POLR3E: variants seen among roughly 807,000 people sequenced by gnomAD.
POLR3E encodes DNA-directed RNA polymerase III subunit RPC5.
Under a neutral mutation model 96.6 loss-of-function variants are expected in POLR3E, and 41 were observed. The ratio of observed to expected loss-of-function variants is 0.42; its 90% CI spans 0.33 to 0.55. The LOEUF (loss-of-function observed/expected upper bound fraction) is 0.55. Among genes scored for constraint, POLR3E ranks in the 20% least tolerant of loss-of-function variants. The probability of loss-of-function intolerance (pLI) is 0.06; values close to 1 mark genes in which losing one functional copy is unlikely to be tolerated. For synonymous variants in POLR3E, 396 were observed against 383.6 expected (o/e 1.03, Z -0.38); for missense variants, 849 against 952.1 (o/e 0.89, Z 1.43).
intron 20 of POLR3E, among the ~76,000 whole-genome samples, chr16:22,332,984 T>C (rs201672353): frequency 0.013 from 1,905 of 145,362 alleles, 65 homozygotes; most frequent in East Asian, 0.092. Flanking sequence ...TTTTTTTTTT[T>C]TTTTTTTGAG....
rs748071840 is a variant in POLR3E, at chr16:22,325,929, G to GCGAGGAGGA, written c.1525_1533dup (p.Asp509_Glu511dup). ...AAGGAGGAGCCCGTGAGCGAGGAGG[G>GCGAGGAGGA]CGAGGAGGACGAGGAGCAGGAGGCG... On this transcript the variant is annotated inframe_insertion, in exon 18 of 21. Transcript: ENST00000299853. The GCGAGGAGGA allele has an allele frequency of 8.8e-6, 14 of 1,597,516 alleles. No individual in the cohort carries two copies. In the Admixed American group the frequency reaches 1.1e-4, roughly 12 times the overall value.
At chr16:22,326,392 G>A (rs1567330155) in intron 18 of POLR3E, 114 bp downstream of exon 18, 20 of 875,360 alleles carry the variant, frequency 2.3e-5, no homozygotes, top group Non-Finnish European at 3.3e-5. Context: ...CTGCTCTCAC[G>A]TGGGCCTAGG....
chr16:22,308,676 T>A (rs1479885988), intron 4 of POLR3E, among the ~76,000 whole-genome samples: 1 of 152,168 alleles, frequency 6.6e-6, no homozygotes, highest in African/African-American at 2.4e-5. Context: ...GCACCTAATT[T>A]AGGTCTTTGG....
intron 18 of POLR3E, chr16:22,326,594 C>T (rs1598273944): frequency 2.1e-6 from 1 of 481,818 alleles, no homozygotes; most frequent in Non-Finnish European, 3.8e-6. Flanking sequence ...ACCAAGAACA[C>T]CTGTTTCCTA....
At chr16:22,327,067 G>A (rs1247698126) in intron 18 of POLR3E, 2 of 152,468 alleles carry the variant, frequency 1.3e-5, no homozygotes, top group Non-Finnish European at 2.9e-5. Context: ...CCTGAGGCAC[G>A]CCTTTCCCGT....
chr16:22,302,920 C>T lies in POLR3E; in HGVS notation c.-38-11C>T, dbSNP rs369243430. The T allele has an allele frequency of 7.6e-6, 12 of 1,573,320 alleles. No homozygotes were observed. The African/African-American group carries it at 1.1e-4, about 14-fold the overall frequency. ...CGACTGATGGTCCCAGTCTCTCGCCCTCCTTTGCAGATCGAGCTGAAGGAC... is the reference window on the plus strand; with the variant it reads ...CGACTGATGGTCCCAGTCTCTCGCCTTCCTTTGCAGATCGAGCTGAAGGAC... On this transcript the variant is annotated splice_polypyrimidine_tract_variant and intron_variant, in intron 1 of 20. Transcript: ENST00000299853.
chr16:22,303,675 C>T (rs2048074127), intron 2 of POLR3E, among the ~76,000 whole-genome samples: 1 of 124,810 alleles, frequency 8.0e-6, no homozygotes, highest in African/African-American at 4.6e-5. Flanking sequence ...GAGTCTTGCT[C>T]TGTTGCCCAG....
Position 22,322,830 on chromosome 16 carries a change from A to G in POLR3E, c.987-20A>G, listed in dbSNP as rs751194650. 4 of 1,592,686 alleles carry G rather than the reference A, an allele frequency of 2.5e-6. No homozygotes were observed. The highest frequency in any genetic ancestry group is 2.2e-5 in the East Asian group (1 of 44,728). On this transcript the variant is annotated intron_variant, in intron 13 of 20. Transcript: ENST00000299853. This position sits in a 1 kb window ranked among gnomAD's most constrained non-coding sequence, Gnocchi z 5.2. ...GGCTCAGGGCAGGGACTGACCTGCC[A>G]TCCTCACCTGCATTGGCAGTGACAT...
intron 19 of POLR3E, among the ~76,000 whole-genome samples, chr16:22,331,153 A>G (rs910837084): frequency 6.6e-6 from 1 of 151,466 alleles, no homozygotes; most frequent in African/African-American, 2.4e-5. Context: ...TGATTTTTGT[A>G]TTTTTAGTAG....
At position 22,305,161 on chromosome 16, in the gene POLR3E, T is replaced by A. The variant is rs752717152; in HGVS notation, c.42T>A (p.Asp14Glu). ...EEDDPVVQEI[D>E]VYLAKSLAEK... ...TCGTCTTCCCTTCTTCCCAGATCGA[T>A]GTGTACTTGGCCAAGAGTCTGGCGG... The change falls in exon 3 of 21, where the codon GAT (aspartate) becomes GAA (glutamate). Residue 14 changes from aspartate (D) to glutamate (E), a missense_variant. Transcript: ENST00000299853. 7.4e-6 allele frequency: 12 copies of A among 1,612,564 alleles called. No individual in the cohort carries two copies. Among genetic ancestry groups the A allele is most frequent in the Non-Finnish European group, 9.3e-6 (11 of 1,178,754 alleles).
chr16:22,325,327 G>T (rs553213502), intron 17 of POLR3E, 61 bp downstream of exon 17: 1 of 1,348,336 alleles, frequency 7.4e-7, no homozygotes, highest in South Asian at 1.2e-5. Context: ...CGGAAGGGCT[G>T]CTGTGCTAGA....
chr16:22,333,656 A>G lies in POLR3E; in HGVS notation c.2083A>G (p.Ser695Gly). ...TTCTCTCTCATAGGACTGCTGTGTA[A>G]GCTATGGTGGCATGTGGTACCTTAA... is the stretch of plus-strand genomic sequence containing the variant. ...VDKVLKDCCV[S>G]YGGMWYLKGT... Residue 695 changes from serine (S) to glycine (G), a missense_variant, in exon 21 of 21, where the codon AGC (serine) becomes GGC (glycine). Coordinates refer to ENST00000299853, the MANE Select transcript of POLR3E (RefSeq NM_018119.4). 1 of 1,611,710 alleles carries G rather than the reference A, an allele frequency of 6.2e-7. No individual in the cohort carries two copies. Among genetic ancestry groups the G allele is most frequent in the South Asian group, 1.1e-5 (1 of 91,034 alleles).
intron 20 of POLR3E, among the ~76,000 whole-genome samples, chr16:22,333,440 A>G (rs2048785752): frequency 6.6e-6 from 1 of 150,902 alleles, no homozygotes; most frequent in African/African-American, 2.4e-5. Context: ...TAACAAGAGC[A>G]AAACTCTGTT....
At position 22,321,442 on chromosome 16, in the gene POLR3E, G is replaced by A. The variant is rs534343372; in HGVS notation, c.987-1408G>A. ...TTGCACTGCTCCACAGGTGCCCAGC[G>A]CAGTTTGTCAGCACCTTGCGGCTGT... On this transcript the variant is annotated intron_variant, in intron 13 of 20. Coordinates refer to ENST00000299853, the MANE Select transcript of POLR3E (RefSeq NM_018119.4). Among the ~76,000 whole-genome samples the A allele has an allele frequency of 3.6e-3, 545 of 152,328 alleles. 7 individuals carry two copies. The highest frequency in any genetic ancestry group is 0.012 in the African/African-American group (484 of 41,572).
intron 1 of POLR3E, among the ~76,000 whole-genome samples, chr16:22,299,591 T>A (rs1256961705): frequency 6.6e-6 from 1 of 151,776 alleles, no homozygotes; most frequent in Non-Finnish European, 1.5e-5. Flanking sequence ...TTTTTGTATT[T>A]TAAGTAGAGA....
intron 13 of POLR3E, among the ~76,000 whole-genome samples, chr16:22,321,057 C>G (rs1382096155): frequency 6.6e-6 from 1 of 152,150 alleles, no homozygotes; most frequent in East Asian, 1.9e-4. Flanking sequence ...TGATGCCTTT[C>G]AGTGGTTTCT....
At chr16:22,298,892 TAAAG>T in intron 1 of POLR3E, 1 of 438,646 alleles carries the variant, frequency 2.3e-6, no homozygotes. Flanking sequence ...ATTTTTTTTT[TAAAG>T]TAATGCTCCC....
At chr16:22,330,632 T>C (rs1180035039) in intron 19 of POLR3E, among the ~76,000 whole-genome samples, 1 of 152,208 alleles carries the variant, frequency 6.6e-6, no homozygotes, top group African/African-American at 2.4e-5. Context: ...TCCCCATGTC[T>C]GTTGCTGAAT....
At chr16:22,331,897 G>T in intron 19 of POLR3E, 163 bp from the exon 20 acceptor site, 1 of 638,520 alleles carries the variant, frequency 1.6e-6, no homozygotes, top group Non-Finnish European at 2.8e-6. Context: ...GTCTTGCTGG[G>T]TCTCTAGAGA....
Sources: gnomAD v4.1 joint callset for allele counts (sites outside exome capture counted in the v4.1 genomes callset) on GRCh38, gnomAD v4.1.1 for gene constraint, Gnocchi (gnomAD v3.1) non-coding constraint, MANE v1.5 for transcripts, NCBI Gene and HGNC (gene_info 2026-07-23, HGNC 2026-07-21) for gene names.